The following XKR3 variants were observed in gnomAD, a reference collection of about 807,000 sequenced individuals.
The protein encoded by XKR3 is XK related 3, also known as XK-related protein 3.
A neutral mutation model predicts 40.3 loss-of-function variants in XKR3; 27 were observed. That is an observed-to-expected ratio of 0.67 (90% confidence interval 0.49 to 0.92). XKR3 has a LOEUF of 0.92. XKR3 is among the 40% of genes least tolerant of loss of function. The probability of loss-of-function intolerance (pLI) is 0.00; values close to 1 mark genes in which losing one functional copy is unlikely to be tolerated. For synonymous variants in XKR3, 193 were observed against 195.4 expected, an observed-to-expected ratio of 0.99 and a Z score of 0.10; for missense variants, 472 against 537.6, an observed-to-expected ratio of 0.88 and a Z score of 1.21.
chr22:16,821,913 G>C (rs5016128), intron 1 of XKR3, among the ~76,000 whole-genome samples: 1 of 151,774 alleles, frequency 6.6e-6, no homozygotes, highest in East Asian at 1.9e-4. Context: ...TAACATACTC[G>C]TTCTGGGCAT....
At chr22:16,807,618 A>G in intron 2 of XKR3, 121 bp downstream of exon 2, 1 of 931,988 alleles carries the variant, frequency 1.1e-6, no homozygotes, top group Non-Finnish European at 1.6e-6. Flanking sequence ...AAATAAATCT[A>G]AAGAGGGAAA....
intron 1 of XKR3, among the ~76,000 whole-genome samples, chr22:16,822,391 AATAAAT>A (rs1296625391): frequency 6.6e-6 from 1 of 151,272 alleles, no homozygotes; most frequent in African/African-American, 2.4e-5. Flanking sequence ...AAATTAAAAA[AATAAAT>A]AAATAATAGA....
At chr22:16,816,392 AT>A (rs2060233626) in intron 1 of XKR3, among the ~76,000 whole-genome samples, 1 of 151,604 alleles carries the variant, frequency 6.6e-6, no homozygotes, top group African/African-American at 2.4e-5. Context: ...TTGAAAAAAT[AT>A]TCATTTTTCC....
chr22:16,799,620 G>T, intron 3 of XKR3, 151 bp downstream of exon 3: 2 of 867,966 alleles, frequency 2.3e-6, no homozygotes, highest in Non-Finnish European at 3.4e-6. Flanking sequence ...TTTATAATCT[G>T]CTAATCAAAT....
chr22:16,794,225 T>C (rs1451756489), intron 3 of XKR3, among the ~76,000 whole-genome samples: 2 of 152,102 alleles, frequency 1.3e-5, no homozygotes, highest in Non-Finnish European at 2.9e-5. Context: ...CTATGTAAGA[T>C]GACCATTCCC....
chr22:16,807,592 C>A lies in XKR3; in HGVS notation c.335+147G>T, dbSNP rs1296651723. On this transcript the variant is annotated intron_variant, in intron 2 of 3. Coordinates refer to ENST00000684488, the MANE Select transcript of XKR3 (RefSeq NM_001386955.1). The stretch of plus-strand genomic sequence containing the variant: ...GATGACAATTAAATAGGAACAGTTA[C>A]GAAAGTGTGAAAACTAAATAAATCT... The A allele has an allele frequency of 5.0e-6, 4 of 804,696 alleles. No individual in the cohort carries two copies. The East Asian group carries it at 8.2e-5, about 17-fold the overall frequency. 49.8% of individuals were successfully genotyped at this position (804,696 alleles called of 1,614,324 possible).
chr22:16,794,401 A>C (rs1238590177), intron 3 of XKR3, among the ~76,000 whole-genome samples: 1 of 152,174 alleles, frequency 6.6e-6, no homozygotes, highest in Non-Finnish European at 1.5e-5. Context: ...AGCAGAAACC[A>C]GAGACTGGTG....
intron 3 of XKR3, among the ~76,000 whole-genome samples, chr22:16,798,264 G>C (rs1227882095): frequency 6.6e-6 from 1 of 151,452 alleles, no homozygotes; most frequent in Non-Finnish European, 1.5e-5. Flanking sequence ...AAACCACAAT[G>C]AGATAGTATC....
At chr22:16,801,794 G>T (rs762912409) in intron 2 of XKR3, among the ~76,000 whole-genome samples, 1 of 151,790 alleles carries the variant, frequency 6.6e-6, no homozygotes, top group African/African-American at 2.4e-5. Context: ...CATAATAAAG[G>T]TCAGTGCAAA....
chr22:16,824,658 T>G (rs2060267431), intron 1 of XKR3, among the ~76,000 whole-genome samples: 1 of 152,080 alleles, frequency 6.6e-6, no homozygotes, highest in Admixed American at 6.5e-5. Context: ...TCCAACATTA[T>G]AAGAAATATA....
chr22:16,796,961 G>A (rs1485147111), intron 3 of XKR3, among the ~76,000 whole-genome samples: 1 of 152,094 alleles, frequency 6.6e-6, no homozygotes, highest in Non-Finnish European at 1.5e-5. Flanking sequence ...TAGCACTGGG[G>A]CAAAAATAGA....
In XKR3 at chr22:16,784,075, G is replaced by GAA. The variant is rs751352726; in HGVS notation, c.922_923dup (p.Leu309SerfsTer2). ...TGGCAGCATATAGCAGTGTGATCAA[G>GAA]AAAAGCATCAGTACTGTACCCACCA... On this transcript the variant is annotated frameshift_variant, in exon 4 of 4. Transcript: ENST00000684488. LOFTEE classifies it high-confidence loss of function. The GAA allele has an allele frequency of 3.7e-6, 6 of 1,614,138 alleles. No individual in the cohort carries two copies. The highest frequency in any genetic ancestry group is 5.1e-6 in the Non-Finnish European group (6 of 1,180,026).
intron 1 of XKR3, among the ~76,000 whole-genome samples, chr22:16,820,187 A>G (rs1465342666): frequency 3.3e-5 from 5 of 152,168 alleles, no homozygotes; most frequent in African/African-American, 1.2e-4. Context: ...AAACTTACGC[A>G]AAAAAACTGT....
At chr22:16,825,050 G>A (rs1160140247) in intron 1 of XKR3, among the ~76,000 whole-genome samples, 4 of 152,164 alleles carry the variant, frequency 2.6e-5, no homozygotes, top group African/African-American at 7.2e-5. Context: ...TCCTTCTGAT[G>A]TTTAAAAACA....
rs2146134615 is a variant in XKR3 at position 16,783,688 on chromosome 22, C to T, written c.1311G>A (p.Leu437=). The T allele has an allele frequency of 1.9e-6, 3 of 1,613,166 alleles. No homozygotes were observed. In the East Asian group the frequency reaches 6.7e-5, roughly 36 times the overall value. Residue 437 remains leucine (L), a synonymous_variant, in exon 4 of 4, where the codon CTG becomes CTA. Transcript: ENST00000684488. ...EKTEKNKNKQ[L]RNYCHSCNRV... ...TATTGCAGGAGTGACAGTAATTCCT[C>T]AGCTGCTTATTTTTATTCTTTTCAG...
intron 1 of XKR3, among the ~76,000 whole-genome samples, chr22:16,819,540 G>C (rs1277650468): frequency 1.3e-5 from 2 of 152,000 alleles, no homozygotes; most frequent in Non-Finnish European, 2.9e-5. Flanking sequence ...ATTGTGCTAG[G>C]GCAAGTGGAC....
intron 3 of XKR3, among the ~76,000 whole-genome samples, chr22:16,795,960 C>T (rs994332987): frequency 8.3e-5 from 12 of 144,974 alleles, no homozygotes; most frequent in Non-Finnish European, 1.9e-4. Context: ...GAAAAAAACT[C>T]AGTCTCAAAA....
chr22:16,810,873 C>G (rs963939841), intron 1 of XKR3, among the ~76,000 whole-genome samples: 3 of 152,132 alleles, frequency 2.0e-5, no homozygotes, highest in African/African-American at 7.2e-5. Flanking sequence ...TTCTGCTCTC[C>G]TTGCCATTTC....
chr22:16,810,653 C>G (rs5992552), intron 1 of XKR3, among the ~76,000 whole-genome samples: 1 of 152,104 alleles, frequency 6.6e-6, no homozygotes, highest in Admixed American at 6.5e-5. Context: ...CAGGAAAGAT[C>G]AACACTATTT....
Sources: gnomAD v4.1 joint callset for allele counts (sites outside exome capture counted in the v4.1 genomes callset) on GRCh38, gnomAD v4.1.1 for gene constraint, MANE v1.5 for transcripts, NCBI Gene and HGNC (gene_info 2026-07-23, HGNC 2026-07-21) for gene names.